SEC61A1: variants seen among roughly 807,000 people sequenced by gnomAD.
SEC61A1 encodes protein transport protein Sec61 subunit alpha isoform 1.
A neutral mutation model predicts 55.2 loss-of-function variants in SEC61A1; 15 were observed. The observed-to-expected ratio is 0.27, with a 90% CI of 0.18 to 0.42. SEC61A1 has a LOEUF of 0.42. SEC61A1 is among the 10% of genes least tolerant of loss of function. The pLI is 1.00. For synonymous variants in SEC61A1, 247 were observed against 234.0 expected, an observed-to-expected ratio of 1.06 and a Z score of -0.51; for missense variants, 284 against 602.6, an observed-to-expected ratio of 0.47 and a Z score of 5.53.
intron 7 of SEC61A1, 77 bp downstream of exon 7, chr3:128,060,738 T>C (rs1941839535): frequency 2.2e-6 from 3 of 1,377,658 alleles, no homozygotes; most frequent in Non-Finnish European, 2.0e-6. Flanking sequence ...AAGACAAAAA[T>C]CCCCCCATTC....
At chr3:128,051,957 C>G (rs1010029025), upstream of SEC61A1, 19 of 1,430,800 alleles carry the variant, frequency 1.3e-5, no homozygotes, top group Non-Finnish European at 1.7e-5. Flanking sequence ...ATGACGGAGA[C>G]CTACTAGGTG....
At chr3:128,054,745 A>G (rs1476001038) in intron 2 of SEC61A1, among the ~76,000 whole-genome samples, 4 of 152,248 alleles carry the variant, frequency 2.6e-5, no homozygotes, top group Admixed American at 1.3e-4. Context: ...CCATTAATGT[A>G]GTGTAGGCAG....
chr3:128,055,415 T>C (rs918344079), intron 2 of SEC61A1, 101 bp from the exon 3 acceptor site: 5 of 915,252 alleles, frequency 5.5e-6, no homozygotes, highest in Non-Finnish European at 9.1e-6. Context: ...AAGAGTCTGG[T>C]TGGAGTCCAT....
chr3:128,052,680 C>G (rs1941706771), intron 1 of SEC61A1, 121 bp downstream of exon 1: 1 of 1,517,478 alleles, frequency 6.6e-7, no homozygotes, highest in Non-Finnish European at 8.9e-7. Context: ...GCGGCCCGTG[C>G]CCCCGGCCCT....
intron 8 of SEC61A1, among the ~76,000 whole-genome samples, chr3:128,066,445 CAG>C (rs1411467631): frequency 1.3e-5 from 2 of 151,944 alleles, no homozygotes; most frequent in Admixed American, 6.6e-5. Flanking sequence ...TTGTGTGAGA[CAG>C]GGTCTCGTTG....
intron 7 of SEC61A1, among the ~76,000 whole-genome samples, chr3:128,063,424 G>A (rs1013326264): frequency 2.0e-5 from 3 of 152,164 alleles, no homozygotes; most frequent in Admixed American, 6.5e-5. Flanking sequence ...TGCAACCTCC[G>A]CCTCCCGGGT....
Position 128,067,617 on chromosome 3 carries a change from G to A in SEC61A1, c.1167+5G>A, listed in dbSNP as rs542096754. ...TCAGGTTCCTCTGCCAAAGATGTAA[G>A]TAGAAGCAAAACTTTCTGGAAGGGT... On this transcript the variant is annotated splice_donor_5th_base_variant and intron_variant, in intron 10 of 11. Transcript: ENST00000243253. The surrounding 1 kb of genome is among the most constrained non-coding windows in gnomAD (Gnocchi z 4.1). The A allele has an allele frequency of 2.5e-6, 4 of 1,605,218 alleles. No homozygotes were observed. The East Asian group carries it at 6.7e-5, about 27-fold the overall frequency.
In SEC61A1 at chr3:128,067,658, G is replaced by A. The variant is rs191377627; in HGVS notation, c.1167+46G>A. 58 of 1,428,948 alleles carry A rather than the reference G, an allele frequency of 4.1e-5. No individual in the cohort carries two copies. In the East Asian group the frequency reaches 1.3e-3, roughly 32 times the overall value. The allele number at this position is 1,428,948 out of a possible 1,614,324, so 88.5% of individuals were successfully genotyped here. ...CTGGAAGGGTGATGAAAGTGTGACT[G>A]GTATAAGGGGTGTGGACTTGTCACC... On this transcript the variant is annotated intron_variant, in intron 10 of 11. Coordinates refer to ENST00000243253, the MANE Select transcript of SEC61A1 (RefSeq NM_013336.4). This position sits in a 1 kb window ranked among gnomAD's most constrained non-coding sequence, Gnocchi z 4.1.
In SEC61A1 at chr3:128,067,037, C is replaced by G; in HGVS notation, c.861C>G (p.Ser287=). 6.2e-7 allele frequency: 1 copy of G among 1,614,188 alleles called. No homozygotes were observed. Among genetic ancestry groups the G allele is most frequent in the Non-Finnish European group, 8.5e-7 (1 of 1,180,016 alleles). The change falls in exon 9 of 12, where the codon TCC becomes TCG. Residue 287 remains serine (S), a synonymous_variant. Transcript: ENST00000243253. The surrounding 1 kb of genome is among the most constrained non-coding windows in gnomAD (Gnocchi z 4.1). The part of the protein sequence containing the change: ...NTYPIKLFYT[S]NIPIILQSAL... Reference sequence around the variant, plus strand: ...ATCCCATCAAGCTCTTCTATACGTCCAACATCCCCATCATCCTGCAGTCTG... The same window carrying G: ...ATCCCATCAAGCTCTTCTATACGTCGAACATCCCCATCATCCTGCAGTCTG...
chr3:128,056,432 ATGAATC>A (rs1288888622), intron 4 of SEC61A1, among the ~76,000 whole-genome samples: 1 of 152,200 alleles, frequency 6.6e-6, no homozygotes, highest in Non-Finnish European at 1.5e-5. Context: ...TAAAACCAGA[ATGAATC>A]TGTTTATGGT....
At chr3:128,052,394 C>T (rs1424338999), upstream of SEC61A1, 3 of 1,205,244 alleles carry the variant, frequency 2.5e-6, no homozygotes, top group Non-Finnish European at 3.1e-6. Flanking sequence ...GGCCCCGGCC[C>T]CGCCCCGCGC....
At position 128,056,634 on chromosome 3, in the gene SEC61A1, TGCG is replaced by T. The variant is rs1438977375; in HGVS notation, c.221-74_221-72del. On this transcript the variant is annotated intron_variant, in intron 4 of 11. Transcript: ENST00000243253. ...ATATAAGGGGTACCCAGTCAAATTT[TGCG>T]TATTCATTTTTAAAATAACGTACTA... 8.1e-5 allele frequency: 108 copies of T among 1,328,282 alleles called. 1 individual carries two copies. The African/African-American group carries it at 1.3e-3, about 16-fold the overall frequency. 82.3% of individuals were successfully genotyped at this position (1,328,282 alleles called of 1,614,324 possible). A position where few individuals can be genotyped will look rare whatever the true frequency, so the allele number is the denominator to read the frequency against.
chr3:128,058,706 C>T (rs1941811349), intron 5 of SEC61A1, among the ~76,000 whole-genome samples: 1 of 152,036 alleles, frequency 6.6e-6, no homozygotes. Context: ...CTCTACAAAA[C>T]AACAACAACA....
At chr3:128,057,071 T>G (rs1191237740) in intron 5 of SEC61A1, among the ~76,000 whole-genome samples, 1 of 152,026 alleles carries the variant, frequency 6.6e-6, no homozygotes, top group Admixed American at 6.6e-5. Flanking sequence ...GTAGCTGGGA[T>G]TACAGGCACG....
upstream of SEC61A1, among the ~76,000 whole-genome samples, chr3:128,052,073 C>G (rs905604003): frequency 6.6e-6 from 1 of 152,194 alleles, no homozygotes; most frequent in Non-Finnish European, 1.5e-5. Flanking sequence ...ATGGGAGCCA[C>G]CAGGGTCTCC....
intron 5 of SEC61A1, among the ~76,000 whole-genome samples, chr3:128,057,105 T>C (rs901319222): frequency 6.6e-6 from 1 of 152,172 alleles, no homozygotes; most frequent in African/African-American, 2.4e-5. Context: ...AGCTAATTTT[T>C]GTATTTTTAG....
chr3:128,056,777 G>A lies in SEC61A1; in HGVS notation c.289G>A (p.Ala97Thr), dbSNP rs1941778294. ...SGLIMQLLAG[A>T]KIIEVGDTPK... The stretch of plus-strand genomic sequence containing the variant: ...CCTTATAATGCAACTCTTGGCTGGC[G>A]CCAAGATAATTGAAGTTGGTGACAC... Residue 97 changes from alanine to threonine, a missense_variant, in exon 5 of 12, where the codon GCC (alanine) becomes ACC (threonine). Physicochemically the swap from Ala to Thr is moderately conservative, Grantham distance 58. Transcript: ENST00000243253. 8 of 1,610,474 alleles carry A rather than the reference G, an allele frequency of 5.0e-6. No individual in the cohort carries two copies. The highest frequency in any genetic ancestry group is 1.1e-5 in the South Asian group (1 of 90,572).
rs149666851 is a variant in SEC61A1 at position 128,070,111 on chromosome 3, C to T, written c.*449C>T. 312 of 155,540 alleles carry T rather than the reference C, an allele frequency of 2.0e-3. 2 individuals are homozygous for T. The highest frequency in any genetic ancestry group is 6.8e-3 in the African/African-American group (282 of 41,622). 9.6% of individuals were successfully genotyped at this position (155,540 alleles called of 1,614,324 possible). A position where few individuals can be genotyped will look rare whatever the true frequency, so the allele number is the denominator to read the frequency against. ...GAGCAGATCATGTATTTCCCGGAGA[C>T]GTGGGACCTTGCTGGCATGTCTCCT... On this transcript the variant is annotated 3_prime_UTR_variant, in exon 12 of 12. Coordinates refer to ENST00000243253, the MANE Select transcript of SEC61A1 (RefSeq NM_013336.4).
intron 7 of SEC61A1, among the ~76,000 whole-genome samples, chr3:128,061,449 T>C (rs1941850202): frequency 6.6e-6 from 1 of 152,250 alleles, no homozygotes; most frequent in Non-Finnish European, 1.5e-5. Context: ...TCTTCTTCAC[T>C]GAGGAGCATT....
Sources: allele counts gnomAD v4.1 joint callset (sites outside exome capture counted in the v4.1 genomes callset), GRCh38; gene constraint gnomAD v4.1.1; non-coding constraint Gnocchi (gnomAD v3.1); transcripts MANE v1.5; gene names NCBI Gene and HGNC (gene_info 2026-07-23, HGNC 2026-07-21).